MAD1L1: variants seen among roughly 807,000 people sequenced by gnomAD.
MAD1L1 encodes mitotic spindle assembly checkpoint protein MAD1.
Under a neutral mutation model 96.9 loss-of-function variants are expected in MAD1L1, and 95 were observed. That is an observed-to-expected ratio of 0.98 (90% CI 0.83 to 1.16). The LOEUF (loss-of-function observed/expected upper bound fraction) is 1.16. MAD1L1 is among the 50% of genes most tolerant of loss of function. The probability of loss-of-function intolerance (pLI) is 0.00; values close to 1 mark genes in which losing one functional copy is unlikely to be tolerated. For synonymous variants in MAD1L1, 473 were observed against 396.6 expected, an observed-to-expected ratio of 1.19 and a Z score of -2.29; for missense variants, 1,007 against 954.4, an observed-to-expected ratio of 1.06 and a Z score of -0.73.
intron 18 of MAD1L1, among the ~76,000 whole-genome samples, chr7:1,839,034 G>C (rs1173239993): frequency 6.6e-6 from 1 of 152,156 alleles, no homozygotes; most frequent in Non-Finnish European, 1.5e-5. Context: ...TATGGCCTGA[G>C]CTTGGCCAAC....
At chr7:2,079,145 G>A (rs1350541534) in intron 11 of MAD1L1, among the ~76,000 whole-genome samples, 1 of 152,216 alleles carries the variant, frequency 6.6e-6, no homozygotes. Flanking sequence ...GGTTGGGGCC[G>A]GGCAGCCGCA....
chr7:2,191,793 G>T (rs764452187), intron 10 of MAD1L1, among the ~76,000 whole-genome samples: 22 of 151,892 alleles, frequency 1.4e-4, no homozygotes, highest in Non-Finnish European at 2.2e-4. Context: ...AGCACTTTGG[G>T]AGACCAAGAC....
At position 2,225,316 on chromosome 7, in the gene MAD1L1, T is replaced by C. The variant is rs185977348; in HGVS notation, c.291+94A>G. 4,405 of 1,314,952 alleles carry C rather than the reference T, an allele frequency of 3.3e-3. 218 individuals carry two copies. In the Admixed American group the frequency reaches 0.075, roughly 23 times the overall value. The allele number at this position is 1,314,952 out of a possible 1,614,324, so 81.5% of individuals were successfully genotyped here. A position where few individuals can be genotyped will look rare whatever the true frequency, so the allele number is the denominator to read the frequency against. On this transcript the variant is annotated intron_variant, in intron 4 of 18. Transcript: ENST00000265854. ...GCACAGCCCCCTTGCTCCCAGGGAC[T>C]AGGATGTGATTTCTTATAACCTGGC... is the stretch of plus-strand genomic sequence containing the variant.
chr7:1,994,460 C>A (rs1446902724), intron 14 of MAD1L1, among the ~76,000 whole-genome samples: 1 of 152,150 alleles, frequency 6.6e-6, no homozygotes, highest in Non-Finnish European at 1.5e-5. Context: ...TCACCGTAGG[C>A]AGGGCAGGCC....
At chr7:2,196,897 T>A (rs981699024) in intron 10 of MAD1L1, among the ~76,000 whole-genome samples, 1 of 152,210 alleles carries the variant, frequency 6.6e-6, no homozygotes, top group Non-Finnish European at 1.5e-5. Context: ...CTCCCCACAC[T>A]TCGGGGCTGC....
rs187554552 is a variant in MAD1L1 at position 1,976,473 on chromosome 7, C to T, written c.1505+3980G>A. ...CCTCCCAGTGGGTTCGTGGTCTTGC[C>T]GGCCTCAGGAGTGAAGCTGCAGACC... is the stretch of plus-strand genomic sequence containing the variant. On this transcript the variant is annotated intron_variant, in intron 15 of 18. Transcript: ENST00000265854. 8.6e-3 allele frequency among the ~76,000 whole-genome samples: 1,308 copies of T among 152,100 alleles called. 12 individuals carry two copies. The highest frequency in any genetic ancestry group is 9.8e-3 in the Non-Finnish European group (669 of 68,004).
chr7:2,022,592 T>G (rs1562615657), intron 12 of MAD1L1, among the ~76,000 whole-genome samples: 1 of 151,520 alleles, frequency 6.6e-6, no homozygotes, highest in Non-Finnish European at 1.5e-5. Flanking sequence ...AATTAAAAAA[T>G]TAAATCATAT....
chr7:2,058,071 A>G, intron 12 of MAD1L1, among the ~76,000 whole-genome samples: 1 of 82,210 alleles, frequency 1.2e-5, no homozygotes, highest in African/African-American at 6.3e-5. Flanking sequence ...GTGTGGCCAG[A>G]GGAGAGGAGA....
chr7:2,056,385 G>C (rs1784390546), intron 12 of MAD1L1, among the ~76,000 whole-genome samples: 1 of 147,024 alleles, frequency 6.8e-6, no homozygotes, highest in Non-Finnish European at 1.5e-5. Flanking sequence ...CTGTGGGAGG[G>C]ATGGAGGCCC....
intron 17 of MAD1L1, among the ~76,000 whole-genome samples, chr7:1,915,640 C>T (rs985306907): frequency 6.6e-5 from 10 of 152,224 alleles, no homozygotes; most frequent in Non-Finnish European, 8.8e-5. Context: ...GTCGCCGGCA[C>T]AGAAGACAGC....
At chr7:2,136,028 C>A (rs1657020297) in intron 11 of MAD1L1, among the ~76,000 whole-genome samples, 1 of 152,028 alleles carries the variant, frequency 6.6e-6, no homozygotes, top group African/African-American at 2.4e-5. Context: ...GGGTCACAGC[C>A]TTCCTTCTCC....
At chr7:1,859,454 T>C (rs1562465026) in intron 18 of MAD1L1, among the ~76,000 whole-genome samples, 2 of 152,184 alleles carry the variant, frequency 1.3e-5, no homozygotes, top group Non-Finnish European at 2.9e-5. Flanking sequence ...CTTTGAAAAG[T>C]CAGTGCTGCC....
chr7:2,118,067 C>T (rs1378850573), intron 11 of MAD1L1, among the ~76,000 whole-genome samples: 4 of 152,214 alleles, frequency 2.6e-5, no homozygotes, highest in African/African-American at 9.6e-5. Context: ...CCCTAGGAGG[C>T]TCCAGCCCAT....
chr7:1,920,414 C>T (rs1423128929), intron 17 of MAD1L1, among the ~76,000 whole-genome samples: 1 of 152,224 alleles, frequency 6.6e-6, no homozygotes, highest in Non-Finnish European at 1.5e-5. Context: ...CCGTGGCAGC[C>T]TCACACTGTG....
chr7:1,971,409 G>A lies in MAD1L1; in HGVS notation c.1505+9044C>T, dbSNP rs374261255. On this transcript the variant is annotated intron_variant, in intron 15 of 18. Transcript: ENST00000265854. ...CTTCATTCTCACTAGGTGAAAACGC[G>A]AAACCACTCAAGCTCCAAAAGGGGT... Among the ~76,000 whole-genome samples, 25 of 152,240 alleles carry A rather than the reference G, an allele frequency of 1.6e-4. No homozygotes were observed. In the South Asian group the frequency reaches 1.7e-3, roughly 10 times the overall value.
Position 2,088,552 on chromosome 7 carries a change from C to G in MAD1L1, c.1074-19214G>C, listed in dbSNP as rs576419006. Reference sequence around the variant, plus strand: ...GCTGCCACTGCACGTGCACATCCATCTCCCTGGGAGGCCGGGGAGATCAGG... The same window carrying G: ...GCTGCCACTGCACGTGCACATCCATGTCCCTGGGAGGCCGGGGAGATCAGG... On this transcript the variant is annotated intron_variant, in intron 11 of 18. Transcript: ENST00000265854. This position sits in a 1 kb window ranked among gnomAD's most constrained non-coding sequence, Gnocchi z 4.4. 1.3e-5 allele frequency among the ~76,000 whole-genome samples: 2 copies of G among 152,348 alleles called. No homozygotes were observed. Among genetic ancestry groups the G allele is most frequent in the East Asian group, 3.9e-4 (2 of 5,190 alleles).
chr7:2,085,345 G>T (rs911625820), intron 11 of MAD1L1, among the ~76,000 whole-genome samples: 3 of 152,176 alleles, frequency 2.0e-5, no homozygotes. Flanking sequence ...TCACCGTGTG[G>T]TCTGTCTCCC....
At chr7:2,190,587 T>C (rs1791671277) in intron 10 of MAD1L1, among the ~76,000 whole-genome samples, 1 of 152,188 alleles carries the variant, frequency 6.6e-6, no homozygotes, top group Admixed American at 6.5e-5. Context: ...CATGAATATA[T>C]ATAGTACTCT....
chr7:2,073,031 A>T (rs574918743), intron 11 of MAD1L1, among the ~76,000 whole-genome samples: 3 of 152,286 alleles, frequency 2.0e-5, no homozygotes, highest in Admixed American at 6.5e-5. Flanking sequence ...AGGGGCCAAG[A>T]CTGGGTCCCA....
Sources: gnomAD v4.1 joint callset for allele counts (sites outside exome capture counted in the v4.1 genomes callset) on GRCh38, gnomAD v4.1.1 for gene constraint, Gnocchi (gnomAD v3.1) non-coding constraint, MANE v1.5 for transcripts, NCBI Gene and HGNC (gene_info 2026-07-23, HGNC 2026-07-21) for gene names.